NDRG3: variants seen among roughly 807,000 people sequenced by gnomAD.
NDRG3 encodes the protein NDRG family member 3, also known as protein NDRG3.
NDRG3 carries 23 observed loss-of-function variants against 57.2 expected under a neutral mutation model. That is an observed-to-expected ratio of 0.40 (90% CI 0.29 to 0.57). The LOEUF (loss-of-function observed/expected upper bound fraction) is 0.57, where lower values mean the gene tolerates loss of function less well. NDRG3 is among the 20% of genes least tolerant of loss of function. NDRG3 has a pLI of 0.42. For missense variants in NDRG3, 384 were observed against 457.3 expected, an observed-to-expected ratio of 0.84 and a Z score of 1.46; for synonymous variants, 132 against 162.6, an observed-to-expected ratio of 0.81 and a Z score of 1.43.
At chr20:36,729,490 G>A (rs1985145490) in intron 1 of NDRG3, among the ~76,000 whole-genome samples, 1 of 152,016 alleles carries the variant, frequency 6.6e-6, no homozygotes, top group African/African-American at 2.4e-5. Context: ...ATAATCTGAG[G>A]TGAGGAGATG....
intron 3 of NDRG3, among the ~76,000 whole-genome samples, chr20:36,697,946 G>A (rs1007487441): frequency 2.0e-5 from 3 of 149,944 alleles, no homozygotes; most frequent in East Asian, 1.9e-4. Context: ...CATAATTTGC[G>A]AGTTTTTTTC....
intron 1 of NDRG3, among the ~76,000 whole-genome samples, chr20:36,728,324 T>C (rs1568669716): frequency 6.6e-6 from 1 of 152,214 alleles, no homozygotes; most frequent in Non-Finnish European, 1.5e-5. Context: ...AGTGCTGGGA[T>C]TACAGGCGTG....
Position 36,739,018 on chromosome 20 carries a change from C to G in NDRG3, c.-49+7027G>C, listed in dbSNP as rs1190428315. ...ATGCACCTGTAATCCCAGCTACTTC[C>G]CAGCTACTCAGGAGGCTGAGGCAGG... On this transcript the variant is annotated intron_variant, in intron 1 of 15. Coordinates refer to ENST00000349004, the MANE Select transcript of NDRG3 (RefSeq NM_032013.4). 2.7e-5 allele frequency among the ~76,000 whole-genome samples: 4 copies of G among 150,088 alleles called. No homozygotes were observed. In the South Asian group the frequency reaches 8.4e-4, roughly 32 times the overall value.
At chr20:36,700,580 T>C (rs955312748) in intron 3 of NDRG3, 4 of 474,344 alleles carry the variant, frequency 8.4e-6, no homozygotes, top group African/African-American at 8.0e-5. Flanking sequence ...GTGCTGTTGC[T>C]ACCTTTTTGT....
intron 1 of NDRG3, among the ~76,000 whole-genome samples, chr20:36,733,170 AAATATATATATATATATATAT>A (rs1275383897): frequency 6.7e-5 from 2 of 30,064 alleles, no homozygotes; most frequent in Admixed American, 2.9e-4. Flanking sequence ...AAAAAAAAAA[AAATATATATATATATATATAT>A]ATATATATAT....
intron 3 of NDRG3, among the ~76,000 whole-genome samples, chr20:36,689,153 T>C (rs1047829380): frequency 8.5e-5 from 13 of 152,284 alleles, no homozygotes; most frequent in Middle Eastern, 6.8e-3. Flanking sequence ...GAGATCGTGC[T>C]ACTGCATTCT....
chr20:36,706,828 G>A (rs1983574424), intron 3 of NDRG3, 144 bp downstream of exon 3: 6 of 636,324 alleles, frequency 9.4e-6, no homozygotes, highest in Non-Finnish European at 1.3e-5. Context: ...CATTTTAAGT[G>A]AACTTGATCC....
Position 36,660,338 on chromosome 20 carries a change from T to G in NDRG3, c.857A>C (p.Lys286Thr), listed in dbSNP as rs1979058515. ...RLNPINTTLL[K>T]MADCGGLPQV... ...AAGTGAGGGAAGAAGGCACATTACC[T>G]TTAGCAAAGTTGTATTTATAGGGTT... Residue 286 changes from lysine to threonine, a missense_variant and splice_region_variant, in exon 13 of 16, where the codon AAG (lysine) becomes ACG (threonine). Coordinates refer to ENST00000349004, the MANE Select transcript of NDRG3 (RefSeq NM_032013.4). The G allele has an allele frequency of 1.2e-6, 2 of 1,604,384 alleles. No individual in the cohort carries two copies. Among genetic ancestry groups the G allele is most frequent in the Non-Finnish European group, 1.7e-6 (2 of 1,173,606 alleles).
At chr20:36,672,721 C>T (rs182042318) in intron 8 of NDRG3, among the ~76,000 whole-genome samples, 8 of 151,370 alleles carry the variant, frequency 5.3e-5, no homozygotes, top group African/African-American at 1.9e-4. Context: ...CCCACCTACT[C>T]AAAAGGCTGA....
At chr20:36,695,715 A>T (rs1982723648) in intron 3 of NDRG3, among the ~76,000 whole-genome samples, 2 of 152,206 alleles carry the variant, frequency 1.3e-5, no homozygotes, top group Non-Finnish European at 2.9e-5. Flanking sequence ...ATGACAATGC[A>T]TGCACAGCGG....
rs1357282323 is a variant in NDRG3 at position 36,651,802 on chromosome 20, A to T, written c.*1718T>A. 6.6e-5 allele frequency: 10 copies of T among 152,214 alleles called. No individual in the cohort carries two copies. The highest frequency in any genetic ancestry group is 1.5e-4 in the Non-Finnish European group (10 of 68,042). The allele number at this position is 152,214 out of a possible 1,614,324, so 9.4% of individuals were successfully genotyped here. A position where few individuals can be genotyped will look rare whatever the true frequency, so the allele number is the denominator to read the frequency against. On this transcript the variant is annotated 3_prime_UTR_variant, in exon 16 of 16. Transcript: ENST00000349004. Reference sequence around the variant, plus strand: ...TGAGACATATGCAGCTTTATTTAATAATCTGTAAAAAGTCATACTCTGGCA... The same window carrying T: ...TGAGACATATGCAGCTTTATTTAATTATCTGTAAAAAGTCATACTCTGGCA...
intron 1 of NDRG3, among the ~76,000 whole-genome samples, chr20:36,724,089 G>T (rs575317892): frequency 6.6e-6 from 1 of 152,238 alleles, no homozygotes; most frequent in East Asian, 1.9e-4. Context: ...TATGGAGAGG[G>T]TATGTGTTCC....
At chr20:36,732,286 A>G (rs1985332577) in intron 1 of NDRG3, among the ~76,000 whole-genome samples, 1 of 152,182 alleles carries the variant, frequency 6.6e-6, no homozygotes. Flanking sequence ...GAAATAGAAA[A>G]CAGAAAACAT....
At chr20:36,689,746 A>T (rs1982104163) in intron 3 of NDRG3, among the ~76,000 whole-genome samples, 1 of 134,852 alleles carries the variant, frequency 7.4e-6, no homozygotes, top group African/African-American at 2.8e-5. Context: ...TTTGAGACAG[A>T]GTCTCGCTCC....
chr20:36,711,006 C>T (rs1983839817), intron 2 of NDRG3, among the ~76,000 whole-genome samples: 1 of 146,716 alleles, frequency 6.8e-6, no homozygotes. Context: ...AAGGGCCAGG[C>T]GTGGTGGCTC....
At chr20:36,656,972 C>T (rs918258307) in intron 13 of NDRG3, among the ~76,000 whole-genome samples, 7 of 152,192 alleles carry the variant, frequency 4.6e-5, no homozygotes, top group East Asian at 1.9e-4. Context: ...CTGATTCAGC[C>T]GGCTTGCTCA....
At chr20:36,730,402 T>A (rs555098303) in intron 1 of NDRG3, among the ~76,000 whole-genome samples, 4 of 151,824 alleles carry the variant, frequency 2.6e-5, no homozygotes, top group Non-Finnish European at 4.4e-5. Context: ...ACTACAGACA[T>A]ATACCACTAT....
intron 4 of NDRG3, among the ~76,000 whole-genome samples, chr20:36,687,985 C>T (rs894106862): frequency 1.3e-5 from 2 of 152,212 alleles, no homozygotes; most frequent in Non-Finnish European, 2.9e-5. Flanking sequence ...GCACAGGTGG[C>T]GTGAATGTCC....
At chr20:36,741,186 C>T (rs1331609662) in intron 1 of NDRG3, among the ~76,000 whole-genome samples, 4 of 152,222 alleles carry the variant, frequency 2.6e-5, no homozygotes, top group Non-Finnish European at 4.4e-5. Context: ...ACTTCTTACC[C>T]GGATTTGTTC....
Sources: gnomAD v4.1 joint callset for allele counts (sites outside exome capture counted in the v4.1 genomes callset) on GRCh38, gnomAD v4.1.1 for gene constraint, MANE v1.5 for transcripts, NCBI Gene and HGNC (gene_info 2026-07-23, HGNC 2026-07-21) for gene names.